PPP1R1A: variants seen among roughly 807,000 people sequenced by gnomAD.
PPP1R1A encodes protein phosphatase 1 regulatory subunit 1A.
Under a neutral mutation model 23.9 loss-of-function variants are expected in PPP1R1A, and 18 were observed. The observed-to-expected ratio is 0.75, with a 90% CI of 0.52 to 1.12. PPP1R1A has a LOEUF of 1.12. Among genes scored for constraint, PPP1R1A ranks in the 50% most tolerant of loss-of-function variants. The pLI is 0.00. For missense variants in PPP1R1A, 207 were observed against 223.8 expected, an observed-to-expected ratio of 0.92 and a Z score of 0.48; for synonymous variants, 84 against 80.7, an observed-to-expected ratio of 1.04 and a Z score of -0.22.
At chr12:54,585,708 C>T (rs954707026) in intron 1 of PPP1R1A, among the ~76,000 whole-genome samples, 6 of 151,616 alleles carry the variant, frequency 4.0e-5, no homozygotes, top group Non-Finnish European at 8.8e-5. Flanking sequence ...CAGAGGTGAA[C>T]ACTGCCCCTC....
chr12:54,579,613 G>A lies in PPP1R1A; in HGVS notation c.*774C>T, dbSNP rs949881308. ...GTTTCTTCTCTTATGCTTGGTTTTG[G>A]TCTTATCTGGGCCCCTCAATGTCTA... is the stretch of plus-strand genomic sequence containing the variant. On this transcript the variant is annotated 3_prime_UTR_variant, in exon 7 of 7. Coordinates refer to ENST00000257905, the MANE Select transcript of PPP1R1A (RefSeq NM_006741.4). 5 of 985,414 alleles carry A rather than the reference G, an allele frequency of 5.1e-6. No homozygotes were observed. The highest frequency in any genetic ancestry group is 5.2e-4 in the Middle Eastern group (1 of 1,914). The allele number at this position is 985,414 out of a possible 1,614,324, so 61.0% of individuals were successfully genotyped here. A position where few individuals can be genotyped will look rare whatever the true frequency, so the allele number is the denominator to read the frequency against.
At position 54,588,583 on chromosome 12, in the gene PPP1R1A, C is replaced by T; in HGVS notation, c.-95G>A. On this transcript the variant is annotated 5_prime_UTR_variant, in exon 1 of 7. Coordinates refer to ENST00000257905, the MANE Select transcript of PPP1R1A (RefSeq NM_006741.4). ...GGCGCGCTCCCTCTCCGCTCCGCTCCGGCCCCGGCCCCAGCCCGGCGCGCT... is the reference window on the plus strand; with the variant it reads ...GGCGCGCTCCCTCTCCGCTCCGCTCTGGCCCCGGCCCCAGCCCGGCGCGCT... The T allele has an allele frequency of 6.2e-6, 4 of 646,468 alleles. No individual in the cohort carries two copies. Among genetic ancestry groups the T allele is most frequent in the Non-Finnish European group, 6.4e-6 (3 of 470,762 alleles). 40.0% of individuals were successfully genotyped at this position (646,468 alleles called of 1,614,324 possible). A position where few individuals can be genotyped will look rare whatever the true frequency, so the allele number is the denominator to read the frequency against.
At position 54,581,420 on chromosome 12, in the gene PPP1R1A, A is replaced by G. The variant is rs1232433889; in HGVS notation, c.404-370T>C. On this transcript the variant is annotated intron_variant, in intron 5 of 6. Transcript: ENST00000257905. This position sits in a 1 kb window ranked among gnomAD's most constrained non-coding sequence, Gnocchi z 4.1. ...TTGATTGTAGGGTTCTCTGCCGGGA[A>G]TACTATGCGATACACAGTTTATGTA... 6.6e-6 allele frequency among the ~76,000 whole-genome samples: 1 copy of G among 152,210 alleles called. No homozygotes were observed.
chr12:54,587,364 G>C (rs1367254876), intron 1 of PPP1R1A, among the ~76,000 whole-genome samples: 4 of 152,198 alleles, frequency 2.6e-5, no homozygotes, highest in Non-Finnish European at 5.9e-5. Flanking sequence ...GTGGGAAATT[G>C]ATATTCTTTA....
At chr12:54,582,693 GCA>G in intron 4 of PPP1R1A, 37 bp downstream of exon 4, 2 of 1,596,952 alleles carry the variant, frequency 1.3e-6, no homozygotes, top group Non-Finnish European at 1.7e-6. Context: ...TCAGCTTCAG[GCA>G]CAGAGGAGAA....
chr12:54,582,611 G>T (rs1048318150), intron 4 of PPP1R1A, 121 bp downstream of exon 4: 3 of 1,207,316 alleles, frequency 2.5e-6, no homozygotes, highest in East Asian at 2.4e-5. Context: ...GCCTCAGTTC[G>T]TCTAGCAACA....
rs1247737454 is a variant in PPP1R1A at position 54,581,929 on chromosome 12, T to C, written c.403+47A>G. 1 of 1,571,114 alleles carries C rather than the reference T, an allele frequency of 6.4e-7. No individual in the cohort carries two copies. Among genetic ancestry groups the C allele is most frequent in the Non-Finnish European group, 8.6e-7 (1 of 1,157,414 alleles). On this transcript the variant is annotated intron_variant, in intron 5 of 6. Coordinates refer to ENST00000257905, the MANE Select transcript of PPP1R1A (RefSeq NM_006741.4). The surrounding 1 kb of genome is among the most constrained non-coding windows in gnomAD (Gnocchi z 4.1). ...GCAGTGGGTAAGGCTTGCCTCCTGC[T>C]GGGCTGGGAAATAGGATGCCTGGGG...
chr12:54,580,761 C>A, intron 6 of PPP1R1A, 183 bp downstream of exon 6: 1 of 734,702 alleles, frequency 1.4e-6, no homozygotes, highest in Non-Finnish European at 2.5e-6. Flanking sequence ...CTTGCTGCAG[C>A]TATCCATTTC....
chr12:54,581,925 C>T lies in PPP1R1A; in HGVS notation c.403+51G>A, dbSNP rs1046833890. 9 of 1,567,808 alleles carry T rather than the reference C, an allele frequency of 5.7e-6. No individual in the cohort carries two copies. In the African/African-American group the frequency reaches 9.5e-5, roughly 17 times the overall value. ...CCCCGCAGTGGGTAAGGCTTGCCTCCTGCTGGGCTGGGAAATAGGATGCCT... is the reference window on the plus strand; with the variant it reads ...CCCCGCAGTGGGTAAGGCTTGCCTCTTGCTGGGCTGGGAAATAGGATGCCT... On this transcript the variant is annotated intron_variant, in intron 5 of 6. Transcript: ENST00000257905. The surrounding 1 kb of genome is among the most constrained non-coding windows in gnomAD (Gnocchi z 4.1).
intron 1 of PPP1R1A, 149 bp downstream of exon 1, chr12:54,588,256 A>AC (rs142801029): frequency 0.21 from 37,384 of 181,228 alleles, 5,252 homozygotes; most frequent in Admixed American, 0.28. Context: ...GGGACAGAAG[A>AC]CCCCCCCCCG....
intron 6 of PPP1R1A, 35 bp downstream of exon 6, chr12:54,580,909 T>A: frequency 1.3e-6 from 2 of 1,521,734 alleles, no homozygotes; most frequent in Non-Finnish European, 1.8e-6. Flanking sequence ...TAGCCTCCTC[T>A]CCTATGACCT....
At position 54,579,873 on chromosome 12, in the gene PPP1R1A, A is replaced by G; in HGVS notation, c.*514T>C. On this transcript the variant is annotated 3_prime_UTR_variant, in exon 7 of 7. Transcript: ENST00000257905. ...TCCCATGGGCCAAGTGCCATGGTGCAGTTCCCCTTTTGTCCAGCAGATGGA... is the reference window on the plus strand; with the variant it reads ...TCCCATGGGCCAAGTGCCATGGTGCGGTTCCCCTTTTGTCCAGCAGATGGA... The G allele has an allele frequency of 2.0e-6, 2 of 986,350 alleles. No individual in the cohort carries two copies. Among genetic ancestry groups the G allele is most frequent in the Non-Finnish European group, 2.4e-6 (2 of 830,594 alleles). The allele number at this position is 986,350 out of a possible 1,614,324, so 61.1% of individuals were successfully genotyped here.
chr12:54,579,538 A>G lies in PPP1R1A; in HGVS notation c.*849T>C, dbSNP rs763449873. The G allele has an allele frequency of 2.5e-5, 25 of 985,302 alleles. No homozygotes were observed. Among genetic ancestry groups the G allele is most frequent in the Non-Finnish European group, 2.9e-5 (24 of 829,988 alleles). The allele number at this position is 985,302 out of a possible 1,614,324, so 61.0% of individuals were successfully genotyped here. A position where few individuals can be genotyped will look rare whatever the true frequency, so the allele number is the denominator to read the frequency against. The stretch of plus-strand genomic sequence containing the variant: ...CCTTTCCTCTCTCCCACTACCTGGG[A>G]AAATCAAAAACAGCAGCAGGAGAGA... On this transcript the variant is annotated 3_prime_UTR_variant, in exon 7 of 7. Coordinates refer to ENST00000257905, the MANE Select transcript of PPP1R1A (RefSeq NM_006741.4).
chr12:54,588,141 G>A (rs1592185468), intron 1 of PPP1R1A, among the ~76,000 whole-genome samples: 1 of 151,818 alleles, frequency 6.6e-6, no homozygotes, highest in Non-Finnish European at 1.5e-5. Context: ...GGACTGGGGA[G>A]GAAGAGAGCG....
intron 1 of PPP1R1A, among the ~76,000 whole-genome samples, chr12:54,587,254 C>T (rs77168739): frequency 0.016 from 2,456 of 152,298 alleles, 61 homozygotes; most frequent in African/African-American, 0.056. Context: ...ACAAAAAACA[C>T]TCTCTCCACC....
At chr12:54,587,782 A>G (rs1957924711) in intron 1 of PPP1R1A, among the ~76,000 whole-genome samples, 1 of 151,964 alleles carries the variant, frequency 6.6e-6, no homozygotes, top group African/African-American at 2.4e-5. Flanking sequence ...CCATGTGCGG[A>G]GACTTGAAGA....
intron 1 of PPP1R1A, 110 bp from the exon 2 acceptor site, chr12:54,584,430 A>C: frequency 1.9e-6 from 2 of 1,029,532 alleles, no homozygotes; most frequent in Non-Finnish European, 1.4e-6. Flanking sequence ...AACACACCTC[A>C]AAAAATGCCA....
chr12:54,579,326 G>A lies in PPP1R1A; in HGVS notation c.*1061C>T, dbSNP rs2121193214. ...TCCAGCATGATAAAATCTGGGTGAGGCGTTCTCCCTCATATATATATATAT... is the reference window on the plus strand; with the variant it reads ...TCCAGCATGATAAAATCTGGGTGAGACGTTCTCCCTCATATATATATATAT... On this transcript the variant is annotated 3_prime_UTR_variant, in exon 7 of 7. Coordinates refer to ENST00000257905, the MANE Select transcript of PPP1R1A (RefSeq NM_006741.4). 1 of 931,660 alleles carries A rather than the reference G, an allele frequency of 1.1e-6. No homozygotes were observed. Among genetic ancestry groups the A allele is most frequent in the South Asian group, 5.4e-5 (1 of 18,594 alleles). The allele number at this position is 931,660 out of a possible 1,614,324, so 57.7% of individuals were successfully genotyped here. A position where few individuals can be genotyped will look rare whatever the true frequency, so the allele number is the denominator to read the frequency against.
chr12:54,584,423 A>C, intron 1 of PPP1R1A, 103 bp from the exon 2 acceptor site: 1 of 1,104,398 alleles, frequency 9.1e-7, no homozygotes, highest in Non-Finnish European at 1.3e-6. Flanking sequence ...CCTACTTAAC[A>C]CACCTCAAAA....
Sources: gnomAD v4.1 joint callset for allele counts (sites outside exome capture counted in the v4.1 genomes callset) on GRCh38, gnomAD v4.1.1 for gene constraint, Gnocchi (gnomAD v3.1) non-coding constraint, MANE v1.5 for transcripts, NCBI Gene and HGNC (gene_info 2026-07-23, HGNC 2026-07-21) for gene names.